The following PITPNM3 variants were observed in gnomAD, a reference collection of about 807,000 sequenced individuals.
The protein encoded by PITPNM3 is membrane-associated phosphatidylinositol transfer protein 3.
In PITPNM3, 26 loss-of-function variants were observed where a neutral mutation model predicts 102.0. That is an observed-to-expected ratio of 0.25 (90% CI 0.19 to 0.35). PITPNM3 has a LOEUF of 0.35. Ranked by LOEUF, PITPNM3 falls within the 10% of genes least tolerant of loss-of-function variation. The pLI is 1.00. For missense variants in PITPNM3, 1,083 were observed against 1,346.1 expected (o/e 0.80, Z 3.06); for synonymous variants, 578 against 558.6 (o/e 1.03, Z -0.49).
chr17:6,496,565 G>A (rs1906837902), intron 4 of PITPNM3, among the ~76,000 whole-genome samples: 1 of 151,902 alleles, frequency 6.6e-6, no homozygotes, highest in Non-Finnish European at 1.5e-5. Flanking sequence ...CTCTTTCCTG[G>A]GGTTAATCCT....
At chr17:6,534,263 C>T (rs12449404) in intron 2 of PITPNM3, among the ~76,000 whole-genome samples, 36,493 of 152,112 alleles carry the variant, frequency 0.24, 4,926 homozygotes, top group East Asian at 0.35. Context: ...CACTCCTGAG[C>T]CCCAGACCTG....
chr17:6,548,637 ACT>A (rs1333647810), intron 1 of PITPNM3, among the ~76,000 whole-genome samples: 1 of 152,008 alleles, frequency 6.6e-6, no homozygotes, highest in East Asian at 1.9e-4. Context: ...AGACACTCAG[ACT>A]CTCTGAAAGA....
In PITPNM3 at chr17:6,556,285, C is replaced by A. The variant is rs1286876778; in HGVS notation, c.22+100G>T. On this transcript the variant is annotated intron_variant, in intron 1 of 19. Coordinates refer to ENST00000262483, the MANE Select transcript of PITPNM3 (RefSeq NM_031220.4). The surrounding 1 kb of genome is among the most constrained non-coding windows in gnomAD (Gnocchi z 5.2). The stretch of plus-strand genomic sequence containing the variant: ...CCCTACGCCCTCCCGGGACCTCCGC[C>A]CACCTGCGCGAGGGGTTCACCTGGG... 1.3e-5 allele frequency: 14 copies of A among 1,080,158 alleles called. No homozygotes were observed. The Admixed American group carries it at 3.5e-4, about 27-fold the overall frequency. The allele number at this position is 1,080,158 out of a possible 1,614,324, so 66.9% of individuals were successfully genotyped here.
intron 6 of PITPNM3, among the ~76,000 whole-genome samples, chr17:6,483,239 C>T (rs1431867137): frequency 3.9e-5 from 6 of 152,214 alleles, no homozygotes; most frequent in Admixed American, 1.3e-4. Flanking sequence ...CCACCGCACC[C>T]GGCCAACACT....
At chr17:6,544,479 C>A (rs1909904988) in intron 1 of PITPNM3, among the ~76,000 whole-genome samples, 1 of 152,062 alleles carries the variant, frequency 6.6e-6, no homozygotes. Context: ...CTGCATTGAG[C>A]CATGATCATG....
In PITPNM3 at chr17:6,451,841, G is replaced by A. The variant is rs1244310996; in HGVS notation, c.*3497C>T. ...AATGTTTCTTTTGGCTGAGCCAAAAGACAATAGGTTTCCAGGGCACTTGGC... is the reference window on the plus strand; with the variant it reads ...AATGTTTCTTTTGGCTGAGCCAAAAAACAATAGGTTTCCAGGGCACTTGGC... On this transcript the variant is annotated 3_prime_UTR_variant, in exon 20 of 20. Coordinates refer to ENST00000262483, the MANE Select transcript of PITPNM3 (RefSeq NM_031220.4). 1.4e-5 allele frequency: 2 copies of A among 141,272 alleles called. No individual in the cohort carries two copies. The highest frequency in any genetic ancestry group is 5.3e-5 in the African/African-American group (2 of 37,678). 8.8% of individuals were successfully genotyped at this position (141,272 alleles called of 1,614,324 possible). A position where few individuals can be genotyped will look rare whatever the true frequency, so the allele number is the denominator to read the frequency against.
chr17:6,549,864 G>C (rs992248088), intron 1 of PITPNM3, among the ~76,000 whole-genome samples: 5 of 152,154 alleles, frequency 3.3e-5, no homozygotes, highest in Non-Finnish European at 7.4e-5. Flanking sequence ...CTGCAGACCT[G>C]GTGATGGCCT....
intron 2 of PITPNM3, among the ~76,000 whole-genome samples, chr17:6,529,625 A>G (rs752912852): frequency 3.8e-4 from 58 of 151,558 alleles, no homozygotes; most frequent in Non-Finnish European, 7.9e-4. Context: ...GTCTCATGCC[A>G]GGAAAGCTTC....
At chr17:6,516,991 C>A (rs536770982) in intron 3 of PITPNM3, among the ~76,000 whole-genome samples, 1 of 152,138 alleles carries the variant, frequency 6.6e-6, no homozygotes, top group Non-Finnish European at 1.5e-5. Context: ...TCACTAAATT[C>A]AAGAGGCCAT....
In PITPNM3 at chr17:6,483,683, C is replaced by T. The variant is rs894005302; in HGVS notation, c.421G>A (p.Asp141Asn). ...CAGGACGGGTCCCCGGCACCCGTGT[C>T]CAGGATGTTTCCCCCATGCAGGACC... The part of the protein sequence containing the change: ...LLVLHGGNIL[D>N]TGAGDPSCKA... Residue 141 changes from aspartate (D) to asparagine (N), a missense_variant, in exon 6 of 20, where the codon GAC (aspartate) becomes AAC (asparagine). By Grantham distance (23) the Asp-to-Asn change is conservative. This residue lies in a region of PITPNM3 where 290 missense variants were observed against 337.8 expected (regional missense o/e 0.86). Transcript: ENST00000262483. The T allele has an allele frequency of 1.2e-6, 2 of 1,613,960 alleles. No individual in the cohort carries two copies. Among genetic ancestry groups the T allele is most frequent in the Non-Finnish European group, 1.7e-6 (2 of 1,180,002 alleles).
At chr17:6,461,260 A>G in intron 18 of PITPNM3, 113 bp downstream of exon 18, 1 of 1,306,936 alleles carries the variant, frequency 7.7e-7, no homozygotes, top group South Asian at 1.2e-5. Flanking sequence ...CGGGAATGGG[A>G]TTTACAGACT....
Position 6,468,176 on chromosome 17 carries a change from C to G in PITPNM3, c.1890+49G>C. Reference sequence around the variant, plus strand: ...GCCCCAGCCCCCGGGCCAGCCCCACCTCCCGGAGGACACAGTCCCAGCCAC... The same window carrying G: ...GCCCCAGCCCCCGGGCCAGCCCCACGTCCCGGAGGACACAGTCCCAGCCAC... On this transcript the variant is annotated intron_variant, in intron 14 of 19. Coordinates refer to ENST00000262483, the MANE Select transcript of PITPNM3 (RefSeq NM_031220.4). The surrounding 1 kb of genome is among the most constrained non-coding windows in gnomAD (Gnocchi z 5.2). 6.3e-7 allele frequency: 1 copy of G among 1,580,586 alleles called. No individual in the cohort carries two copies. Among genetic ancestry groups the G allele is most frequent in the Non-Finnish European group, 8.7e-7 (1 of 1,152,248 alleles).
Position 6,468,539 on chromosome 17 carries a change from C to G in PITPNM3, c.1774-198G>C. On this transcript the variant is annotated intron_variant, in intron 13 of 19. Coordinates refer to ENST00000262483, the MANE Select transcript of PITPNM3 (RefSeq NM_031220.4). The surrounding 1 kb of genome is among the most constrained non-coding windows in gnomAD (Gnocchi z 5.2). ...TGATAGCTGGGGCCAGAGCAGTCTC[C>G]CAGCTGGCTCCCTTCCTGAGAGAAG... Among the ~76,000 whole-genome samples, 1 of 152,168 alleles carries G rather than the reference C, an allele frequency of 6.6e-6. No individual in the cohort carries two copies. Among genetic ancestry groups the G allele is most frequent in the East Asian group, 1.9e-4 (1 of 5,178 alleles).
chr17:6,483,789 C>G, intron 5 of PITPNM3, 37 bp from the exon 6 acceptor site: 1 of 1,581,204 alleles, frequency 6.3e-7, no homozygotes, highest in Non-Finnish European at 8.6e-7. Flanking sequence ...GAGAGAGAGG[C>G]GGCTGGGGTC....
chr17:6,488,464 G>A (rs1360133184), intron 4 of PITPNM3, among the ~76,000 whole-genome samples: 3 of 151,980 alleles, frequency 2.0e-5, no homozygotes, highest in African/African-American at 7.3e-5. Flanking sequence ...CCATCAGACT[G>A]TGGGCCCCTT....
intron 3 of PITPNM3, among the ~76,000 whole-genome samples, chr17:6,507,772 G>A (rs184916385): frequency 1.3e-5 from 2 of 152,260 alleles, no homozygotes. Context: ...TCCAGCGCAG[G>A]GAGGAGCCGG....
intron 5 of PITPNM3, 131 bp from the exon 6 acceptor site, chr17:6,483,883 G>A: frequency 3.6e-6 from 3 of 841,360 alleles, no homozygotes; most frequent in African/African-American, 1.7e-5. Flanking sequence ...ACTGAGGCCA[G>A]AGAAGCAGGC....
intron 1 of PITPNM3, among the ~76,000 whole-genome samples, chr17:6,546,198 C>T (rs965949413): frequency 1.5e-4 from 23 of 152,202 alleles, no homozygotes; most frequent in Non-Finnish European, 3.1e-4. Context: ...GAAACATGTC[C>T]TAACTATCTC....
chr17:6,499,498 T>C (rs12950260), intron 4 of PITPNM3, among the ~76,000 whole-genome samples: 37,038 of 152,010 alleles, frequency 0.24, 4,667 homozygotes, highest in South Asian at 0.31. Flanking sequence ...GCAGGACCAG[T>C]AGAGCGCCAG....
Sources: allele counts gnomAD v4.1 joint callset (sites outside exome capture counted in the v4.1 genomes callset), GRCh38; gene constraint gnomAD v4.1.1; regional missense constraint gnomAD v4.1.1; non-coding constraint Gnocchi (gnomAD v3.1); transcripts MANE v1.5; gene names NCBI Gene and HGNC (gene_info 2026-07-23, HGNC 2026-07-21).